CNTNAP2: variants seen among roughly 807,000 people sequenced by gnomAD.
The protein encoded by CNTNAP2 is contactin associated protein 2, also known as contactin-associated protein-like 2.
CNTNAP2 carries 98 observed loss-of-function variants against 155.2 expected under a neutral mutation model. The observed-to-expected ratio is 0.63, with a 90% CI of 0.54 to 0.75. The LOEUF (loss-of-function observed/expected upper bound fraction) is 0.75, where lower values mean the gene tolerates loss of function less well. Among genes scored for constraint, CNTNAP2 ranks in the 30% least tolerant of loss-of-function variants. The pLI is 0.00. For synonymous variants in CNTNAP2, 651 were observed against 631.2 expected (o/e 1.03, Z -0.47); for missense variants, 1,727 against 1,688.1 (o/e 1.02, Z -0.40).
chr7:147,317,598 T>C (rs895117996), intron 9 of CNTNAP2, among the ~76,000 whole-genome samples: 18 of 152,218 alleles, frequency 1.2e-4, no homozygotes, highest in African/African-American at 4.3e-4. Flanking sequence ...AATCTCACTT[T>C]AATCAACACT....
intron 1 of CNTNAP2, among the ~76,000 whole-genome samples, chr7:146,609,674 G>C (rs770397930): frequency 1.7e-4 from 26 of 152,036 alleles, no homozygotes; most frequent in Non-Finnish European, 7.4e-5. Context: ...AAAAGTAATT[G>C]GTTAAGAAAT....
chr7:146,551,393 G>T (rs1798119880), intron 1 of CNTNAP2, among the ~76,000 whole-genome samples: 1 of 151,844 alleles, frequency 6.6e-6, no homozygotes, highest in Non-Finnish European at 1.5e-5. Flanking sequence ...GTGGTGTTTG[G>T]TTTTTTGTCC....
At chr7:146,361,789 G>A (rs933364214) in intron 1 of CNTNAP2, among the ~76,000 whole-genome samples, 10 of 141,308 alleles carry the variant, frequency 7.1e-5, no homozygotes, top group African/African-American at 2.0e-4. Flanking sequence ...CATAAATGTC[G>A]GTTATGGAAG....
At chr7:147,226,393 T>TA (rs1803543521) in intron 8 of CNTNAP2, among the ~76,000 whole-genome samples, 3 of 152,222 alleles carry the variant, frequency 2.0e-5, no homozygotes, top group African/African-American at 4.8e-5. Flanking sequence ...GAACATGGTC[T>TA]AAAAACAATC....
intron 1 of CNTNAP2, among the ~76,000 whole-genome samples, chr7:146,632,610 G>A (rs1303092090): frequency 6.6e-6 from 1 of 151,858 alleles, no homozygotes; most frequent in African/African-American, 2.4e-5. Context: ...AAATGAAAAA[G>A]ATAAGTTCTT....
intron 11 of CNTNAP2, among the ~76,000 whole-genome samples, chr7:147,528,813 C>A (rs1799378182): frequency 6.6e-6 from 1 of 152,146 alleles, no homozygotes; most frequent in African/African-American, 2.4e-5. Flanking sequence ...TCCGAACAAG[C>A]TAGTATTCTA....
chr7:148,225,432 C>T (rs1795827392), intron 19 of CNTNAP2, among the ~76,000 whole-genome samples: 1 of 151,982 alleles, frequency 6.6e-6, no homozygotes. Context: ...CTGCAAAGGC[C>T]CTTGGGTAGG....
rs540306895 is a variant in CNTNAP2, at chr7:146,405,621, G to C, written c.97+288648G>C. ...AGAACATGATTAAGAAAACAAATAC[G>C]TAACAGGTAAGACAAATTAAACTGG... is the stretch of plus-strand genomic sequence containing the variant. On this transcript the variant is annotated intron_variant, in intron 1 of 23. Transcript: ENST00000361727. 6.6e-5 allele frequency among the ~76,000 whole-genome samples: 10 copies of C among 152,216 alleles called. No homozygotes were observed. The East Asian group carries it at 1.4e-3, about 21-fold the overall frequency.
chr7:146,124,585 A>C (rs2116724378), intron 1 of CNTNAP2, among the ~76,000 whole-genome samples: 1 of 152,332 alleles, frequency 6.6e-6, no homozygotes, highest in Non-Finnish European at 1.5e-5. Context: ...GCATTAAATT[A>C]CTTAATTGCT....
chr7:147,477,329 A>G (rs1489498251), intron 10 of CNTNAP2, among the ~76,000 whole-genome samples: 1 of 152,354 alleles, frequency 6.6e-6, no homozygotes, highest in Admixed American at 6.5e-5. Flanking sequence ...GCCACTGATT[A>G]TCACTGGTTT....
At chr7:147,560,759 G>T (rs1051038255) in intron 11 of CNTNAP2, among the ~76,000 whole-genome samples, 12 of 150,380 alleles carry the variant, frequency 8.0e-5, no homozygotes, top group African/African-American at 2.9e-4. Context: ...AGGGAGGGAG[G>T]CATGGAAGAA....
chr7:148,008,084 C>T (rs1407704425), intron 15 of CNTNAP2, among the ~76,000 whole-genome samples: 1 of 152,016 alleles, frequency 6.6e-6, no homozygotes, highest in East Asian at 1.9e-4. Flanking sequence ...TAGGAGGAGG[C>T]CGGGCACAGT....
intron 13 of CNTNAP2, among the ~76,000 whole-genome samples, chr7:147,756,704 AGG>A (rs1797217786): frequency 6.6e-6 from 1 of 152,232 alleles, no homozygotes; most frequent in Admixed American, 6.5e-5. Flanking sequence ...TGCTTCTAGA[AGG>A]GACTCCTTCC....
chr7:147,499,381 T>C (rs1376005041), intron 11 of CNTNAP2, among the ~76,000 whole-genome samples: 3 of 151,684 alleles, frequency 2.0e-5, no homozygotes, highest in Non-Finnish European at 4.4e-5. Context: ...ATAAAAAAAA[T>C]AGCTGGGCGT....
chr7:148,190,000 G>T (rs946523930), intron 18 of CNTNAP2: 3 of 152,198 alleles, frequency 2.0e-5, no homozygotes, highest in African/African-American at 7.2e-5. Flanking sequence ...TGCCACAAAA[G>T]CTCTCCTGAC....
chr7:146,846,703 T>C (rs568917990), intron 3 of CNTNAP2, among the ~76,000 whole-genome samples: 1 of 152,106 alleles, frequency 6.6e-6, no homozygotes, highest in Non-Finnish European at 1.5e-5. Context: ...CTAACAAATA[T>C]GGTTATGTGT....
intron 14 of CNTNAP2, among the ~76,000 whole-genome samples, chr7:147,959,523 A>T (rs576370297): frequency 6.6e-6 from 1 of 152,148 alleles, no homozygotes; most frequent in Non-Finnish European, 1.5e-5. Flanking sequence ...CAGTTCTGTG[A>T]TTGCTCCCAC....
At chr7:146,241,033 C>T (rs530159420) in intron 1 of CNTNAP2, among the ~76,000 whole-genome samples, 1 of 152,198 alleles carries the variant, frequency 6.6e-6, no homozygotes, top group Admixed American at 6.5e-5. Context: ...GAGTGCCACA[C>T]TTTTAAACAA....
At chr7:148,327,305 T>C (rs978431690) in intron 21 of CNTNAP2, among the ~76,000 whole-genome samples, 2 of 152,148 alleles carry the variant, frequency 1.3e-5, no homozygotes, top group Admixed American at 1.3e-4. Context: ...CCTTTGCCTG[T>C]TGATTTCCAA....
Sources: gnomAD v4.1 joint callset for allele counts (sites outside exome capture counted in the v4.1 genomes callset) on GRCh38, gnomAD v4.1.1 for gene constraint, MANE v1.5 for transcripts, NCBI Gene and HGNC (gene_info 2026-07-23, HGNC 2026-07-21) for gene names.